The following MMP26 variants were observed in gnomAD, a reference collection of about 807,000 sequenced individuals.
MMP26 encodes the protein matrix metallopeptidase 26, also known as matrix metalloproteinase-26.
MMP26 carries 33 observed loss-of-function variants against 31.0 expected under a neutral mutation model. The ratio of observed to expected loss-of-function variants is 1.06; its 90% CI spans 0.81 to 1.42. MMP26 has a LOEUF of 1.42. Among genes scored for constraint, MMP26 ranks in the 40% most tolerant of loss-of-function variants. The pLI, the probability that MMP26 is intolerant of heterozygous loss-of-function variation, is 0.00. For missense variants in MMP26, 347 were observed against 316.1 expected (o/e 1.10, Z -0.74); for synonymous variants, 122 against 114.9 (o/e 1.06, Z -0.40).
chr11:4,778,897 C>T (rs1204078883), intron 2 of MMP26, among the ~76,000 whole-genome samples: 1 of 151,892 alleles, frequency 6.6e-6, no homozygotes, highest in Non-Finnish European at 1.5e-5. Context: ...TATAGACATA[C>T]AATTGATAGT....
At chr11:4,714,077 C>A (rs550359388) in intron 1 of MMP26, among the ~76,000 whole-genome samples, 197 of 152,272 alleles carry the variant, frequency 1.3e-3, no homozygotes, top group Middle Eastern at 6.8e-3. Flanking sequence ...ACATCCCCAG[C>A]TCCTCAGGCT....
In MMP26 at chr11:4,858,461, TC is replaced by T. The variant is rs544534492; in HGVS notation, c.-145+91123del. ...ACAGAGAGCCAAATCATGAGTGAAT[TC>T]CCATTCACAACTGCTTCAAAGAGAA... On this transcript the variant is annotated intron_variant, in intron 2 of 7. Coordinates refer to ENST00000380390, the MANE Select transcript of MMP26 (RefSeq NM_021801.5). Among the ~76,000 whole-genome samples the T allele has an allele frequency of 2.2e-4, 34 of 152,156 alleles. No individual in the cohort carries two copies. The South Asian group carries it at 7.1e-3, about 32-fold the overall frequency.
chr11:4,706,577 C>CAAAAAAAAAAAAAAAAAAAAAAAAAAA (rs71050423), intron 1 of MMP26, among the ~76,000 whole-genome samples: 1 of 87,568 alleles, frequency 1.1e-5, no homozygotes, highest in African/African-American at 4.7e-5. Flanking sequence ...GACCCTATCT[C>CAAAAAAAAAAAAAAAAAAAAAAAAAAA]AAAAAAAAAA....
intron 1 of MMP26, among the ~76,000 whole-genome samples, chr11:4,726,939 C>T (rs975646970): frequency 2.6e-5 from 4 of 152,072 alleles, no homozygotes; most frequent in African/African-American, 9.7e-5. Context: ...TTGCTTGAGG[C>T]CAGGAATTTG....
intron 2 of MMP26, chr11:4,915,237 T>G (rs1422029510): frequency 6.2e-7 from 1 of 1,613,676 alleles, no homozygotes. Context: ...ATGACTGTGT[T>G]GGTGAGAATG....
intron 1 of MMP26, among the ~76,000 whole-genome samples, chr11:4,751,833 C>A (rs529090147): frequency 6.6e-6 from 1 of 152,120 alleles, no homozygotes; most frequent in Admixed American, 6.6e-5. Flanking sequence ...AACAAGGTAA[C>A]TAAGATAGTG....
chr11:4,907,283 T>C (rs2133565364), intron 2 of MMP26: 1 of 854,304 alleles, frequency 1.2e-6, no homozygotes, highest in South Asian at 1.6e-5. Context: ...CCCCTTATCC[T>C]CACAAAACTG....
intron 2 of MMP26, chr11:4,945,299 G>C (rs957435329): frequency 6.6e-6 from 1 of 152,116 alleles, no homozygotes; most frequent in African/African-American, 2.4e-5. Context: ...TTTAACAAAA[G>C]AGATCTGATG....
At position 4,992,040 on chromosome 11, in the gene MMP26, C is replaced by A; in HGVS notation, c.672C>A (p.Ser224=). 1 of 1,613,978 alleles carries A rather than the reference C, an allele frequency of 6.2e-7. No individual in the cohort carries two copies. The highest frequency in any genetic ancestry group is 8.5e-7 in the Non-Finnish European group (1 of 1,179,980). ...TGCAGCACTCTGGGAATCAGAGCTCCATAATGTACCCCACTTACTGGTATC... is the reference window on the plus strand; with the variant it reads ...TGCAGCACTCTGGGAATCAGAGCTCAATAATGTACCCCACTTACTGGTATC... ...LGLQHSGNQS[S]IMYPTYWYHD... Residue 224 remains serine (S), a synonymous_variant, in exon 7 of 8, where the codon TCC becomes TCA. Coordinates refer to ENST00000380390, the MANE Select transcript of MMP26 (RefSeq NM_021801.5).
intron 1 of MMP26, chr11:4,737,219 G>A (rs1015302746): frequency 6.6e-6 from 1 of 152,196 alleles, no homozygotes; most frequent in Non-Finnish European, 1.5e-5. Flanking sequence ...TCAAATTGGA[G>A]ATTATTTTTA....
intron 2 of MMP26, among the ~76,000 whole-genome samples, chr11:4,970,219 C>G (rs1331067068): frequency 1.3e-5 from 2 of 152,042 alleles, no homozygotes; most frequent in Non-Finnish European, 2.9e-5. Context: ...GTATTTTTGA[C>G]AAAAATGGAA....
intron 2 of MMP26, among the ~76,000 whole-genome samples, chr11:4,891,062 C>T (rs377621039): frequency 6.6e-6 from 1 of 150,756 alleles, no homozygotes; most frequent in African/African-American, 2.4e-5. Context: ...GAAGTGGATA[C>T]TAGTTTTGAA....
chr11:4,848,911 C>T, intron 2 of MMP26: 2 of 1,614,014 alleles, frequency 1.2e-6, no homozygotes, highest in Non-Finnish European at 1.7e-6. Flanking sequence ...GAGGCAGGGA[C>T]AGTGTGAGCA....
chr11:4,817,765 T>C (rs916027039), intron 2 of MMP26, among the ~76,000 whole-genome samples: 2 of 152,236 alleles, frequency 1.3e-5, no homozygotes, highest in African/African-American at 2.4e-5. Context: ...TGGGAATTTC[T>C]AGTCATTACA....
intron 2 of MMP26, chr11:4,833,141 A>C (rs1387005140): frequency 6.6e-6 from 1 of 152,210 alleles, no homozygotes; most frequent in South Asian, 2.1e-4. Flanking sequence ...TGTTTCATCC[A>C]AATAGGAAAT....
chr11:4,958,642 T>C (rs1846476936), intron 2 of MMP26, among the ~76,000 whole-genome samples: 2 of 152,212 alleles, frequency 1.3e-5, no homozygotes, highest in Admixed American at 6.5e-5. Flanking sequence ...AATTTGTATT[T>C]TTCTTTCTCC....
chr11:4,908,267 G>A, intron 2 of MMP26: 1 of 1,614,110 alleles, frequency 6.2e-7, no homozygotes, highest in Non-Finnish European at 8.5e-7. Flanking sequence ...ACAAATCTGG[G>A]AGAAGATCTT....
At chr11:4,933,680 G>A (rs181404701) in intron 2 of MMP26, among the ~76,000 whole-genome samples, 1,672 of 150,406 alleles carry the variant, frequency 0.011, 32 homozygotes, top group African/African-American at 0.039. Context: ...CCACTAACTC[G>A]TCATCTAGCA....
chr11:4,923,033 A>T (rs1851207005), intron 2 of MMP26, among the ~76,000 whole-genome samples: 1 of 152,222 alleles, frequency 6.6e-6, no homozygotes, highest in Non-Finnish European at 1.5e-5. Flanking sequence ...GAAAGATGAA[A>T]CTTTTGTACT....
Sources: gnomAD v4.1 joint callset for allele counts (sites outside exome capture counted in the v4.1 genomes callset) on GRCh38, gnomAD v4.1.1 for gene constraint, MANE v1.5 for transcripts, NCBI Gene and HGNC (gene_info 2026-07-23, HGNC 2026-07-21) for gene names.